Variants in UVRAG observed in about 807,000 individuals in gnomAD.
UVRAG encodes UV radiation resistance-associated gene protein.
Under a neutral mutation model 78.0 loss-of-function variants are expected in UVRAG, and 19 were observed. That is an observed-to-expected ratio of 0.24 (90% CI 0.17 to 0.36). The LOEUF is 0.36. Ranked by LOEUF, UVRAG falls within the 10% of genes least tolerant of loss-of-function variation. UVRAG has a pLI of 1.00. For synonymous variants in UVRAG, 323 were observed against 324.6 expected (o/e 1.00, Z 0.05); for missense variants, 740 against 853.8 (o/e 0.87, Z 1.66).
At chr11:76,079,588 C>T (rs1229921465) in intron 13 of UVRAG, among the ~76,000 whole-genome samples, 7 of 152,114 alleles carry the variant, frequency 4.6e-5, no homozygotes, top group Admixed American at 4.6e-4. Context: ...GAGTACCATA[C>T]TAGGCTTATG....
At chr11:76,067,262 T>C (rs1469291618) in intron 13 of UVRAG, among the ~76,000 whole-genome samples, 1 of 152,204 alleles carries the variant, frequency 6.6e-6, no homozygotes, top group Non-Finnish European at 1.5e-5. Flanking sequence ...AGCAGCCCTC[T>C]GACAGTCTCT....
chr11:76,067,684 G>C (rs1198198458), intron 13 of UVRAG, among the ~76,000 whole-genome samples: 1 of 152,108 alleles, frequency 6.6e-6, no homozygotes, highest in Non-Finnish European at 1.5e-5. Context: ...CTTGAACCCG[G>C]GAGGCAGAAG....
intron 13 of UVRAG, among the ~76,000 whole-genome samples, chr11:76,068,035 A>G (rs146853908): frequency 2.0e-5 from 3 of 152,302 alleles, no homozygotes; most frequent in Non-Finnish European, 2.9e-5. Context: ...AAATGCCTGT[A>G]TTTCCTCATA....
chr11:76,033,882 C>T lies in UVRAG; in HGVS notation c.1226+16902C>T, dbSNP rs958565538. 2.6e-5 allele frequency among the ~76,000 whole-genome samples: 4 copies of T among 152,074 alleles called. No individual in the cohort carries two copies. In the South Asian group the frequency reaches 8.3e-4, roughly 32 times the overall value. ...ACATAGAGGAAGAGAAACTCTCATC[C>T]TTTGCTTGTGAGAGTTTCAGTTCAT... On this transcript the variant is annotated intron_variant, in intron 12 of 14. Transcript: ENST00000356136.
At chr11:76,056,058 A>C (rs1950979600) in intron 12 of UVRAG, among the ~76,000 whole-genome samples, 1 of 152,186 alleles carries the variant, frequency 6.6e-6, no homozygotes, top group Non-Finnish European at 1.5e-5. Flanking sequence ...TCAAATACAT[A>C]GGCATCTGTG....
At position 75,888,233 on chromosome 11, in the gene UVRAG, C is replaced by T. The variant is rs149852473; in HGVS notation, c.433-596C>T. Among the ~76,000 whole-genome samples, 433 of 151,986 alleles carry T rather than the reference C, an allele frequency of 2.8e-3. 1 individual carries two copies. Among genetic ancestry groups the T allele is most frequent in the Non-Finnish European group, 5.4e-3 (367 of 67,952 alleles). Reference sequence around the variant, plus strand: ...ACTGAAGCCTTGACCACTCAGGCTCCGGCAGTCCTCCCACCACAGCCTCCC... The same window carrying T: ...ACTGAAGCCTTGACCACTCAGGCTCTGGCAGTCCTCCCACCACAGCCTCCC... On this transcript the variant is annotated intron_variant, in intron 4 of 14. Transcript: ENST00000356136.
intron 2 of UVRAG, 27 bp from the exon 3 acceptor site, chr11:75,861,719 T>G: frequency 1.3e-6 from 2 of 1,555,132 alleles, no homozygotes; most frequent in African/African-American, 2.7e-5. Flanking sequence ...TTCATATCAC[T>G]TATTGTTCTT....
chr11:75,890,285 T>C (rs1947187792), intron 5 of UVRAG, among the ~76,000 whole-genome samples: 1 of 152,212 alleles, frequency 6.6e-6, no homozygotes, highest in South Asian at 2.1e-4. Flanking sequence ...GAGGCAAGAA[T>C]ATTTGTGGGA....
chr11:75,995,532 C>T (rs1949691131), intron 8 of UVRAG, among the ~76,000 whole-genome samples: 1 of 148,500 alleles, frequency 6.7e-6, no homozygotes, highest in African/African-American at 2.5e-5. Flanking sequence ...ATTAAGGTGA[C>T]CTACATATGT....
intron 4 of UVRAG, among the ~76,000 whole-genome samples, chr11:75,885,814 TATTA>T (rs2134913804): frequency 6.6e-6 from 1 of 152,306 alleles, no homozygotes; most frequent in South Asian, 2.1e-4. Flanking sequence ...TAAGCATATT[TATTA>T]GTCAGGAACA....
At chr11:75,845,059 T>C (rs901577074) in intron 1 of UVRAG, among the ~76,000 whole-genome samples, 2 of 152,222 alleles carry the variant, frequency 1.3e-5, no homozygotes, top group African/African-American at 4.8e-5. Context: ...TAGGGTCATA[T>C]TGCTCTTTTG....
intron 6 of UVRAG, among the ~76,000 whole-genome samples, chr11:75,949,070 G>T (rs372422279): frequency 2.0e-5 from 3 of 152,138 alleles, no homozygotes; most frequent in African/African-American, 7.2e-5. Context: ...ACCAGTTAGG[G>T]GCTATTGGCT....
intron 6 of UVRAG, among the ~76,000 whole-genome samples, chr11:75,954,432 G>A (rs952519929): frequency 2.0e-5 from 3 of 152,082 alleles, no homozygotes; most frequent in Non-Finnish European, 4.4e-5. Flanking sequence ...TTCTTCTCTG[G>A]GTTGATGATG....
intron 12 of UVRAG, among the ~76,000 whole-genome samples, chr11:76,037,626 C>T (rs1950560426): frequency 6.6e-6 from 1 of 151,312 alleles, no homozygotes; most frequent in African/African-American, 2.4e-5. Context: ...GTGGGAGAAT[C>T]ACTTGAGCCT....
At chr11:75,848,816 A>C (rs1259202782) in intron 1 of UVRAG, among the ~76,000 whole-genome samples, 1 of 152,188 alleles carries the variant, frequency 6.6e-6, no homozygotes, top group African/African-American at 2.4e-5. Flanking sequence ...TTCTTTCTGC[A>C]TTCTTTCCTT....
At chr11:76,050,667 C>T (rs1251338618) in intron 12 of UVRAG, among the ~76,000 whole-genome samples, 1 of 152,006 alleles carries the variant, frequency 6.6e-6, no homozygotes, top group African/African-American at 2.4e-5. Flanking sequence ...TCAAGCATAC[C>T]GTTAAGAAAG....
At chr11:76,139,890 G>T (rs2134516382) in intron 14 of UVRAG, among the ~76,000 whole-genome samples, 1 of 151,096 alleles carries the variant, frequency 6.6e-6, no homozygotes, top group South Asian at 2.1e-4. Context: ...CTCCTGAGAA[G>T]AAACTCAGAC....
At chr11:76,067,453 T>G (rs1483179748) in intron 13 of UVRAG, among the ~76,000 whole-genome samples, 2 of 152,192 alleles carry the variant, frequency 1.3e-5, no homozygotes, top group Admixed American at 6.5e-5. Context: ...TAAACAGAAC[T>G]TGTCAAAAGT....
At chr11:75,837,281 C>G (rs1017031864) in intron 1 of UVRAG, among the ~76,000 whole-genome samples, 3 of 146,170 alleles carry the variant, frequency 2.1e-5, no homozygotes, top group Non-Finnish European at 4.5e-5. Context: ...GAGCTGAGAT[C>G]ACGCCACTGC....
Sources: gnomAD v4.1 joint callset for allele counts (sites outside exome capture counted in the v4.1 genomes callset) on GRCh38, gnomAD v4.1.1 for gene constraint, MANE v1.5 for transcripts, NCBI Gene and HGNC (gene_info 2026-07-23, HGNC 2026-07-21) for gene names.